Variants in ZFHX3 observed in about 807,000 individuals in gnomAD.
ZFHX3 encodes zinc finger homeobox protein 3.
In ZFHX3, 42 loss-of-function variants were observed where a neutral mutation model predicts 279.1. The observed-to-expected ratio is 0.15, with a 90% CI of 0.12 to 0.19. The LOEUF is 0.19. Ranked by LOEUF, ZFHX3 falls within the 10% of genes least tolerant of loss-of-function variation. The probability of loss-of-function intolerance (pLI) is 1.00; values close to 1 mark genes in which losing one functional copy is unlikely to be tolerated. For missense variants in ZFHX3, 4,981 were observed against 4,754.0 expected, an observed-to-expected ratio of 1.05 and a Z score of -1.40; for synonymous variants, 2,293 against 1,957.8, an observed-to-expected ratio of 1.17 and a Z score of -4.52.
intron 1 of ZFHX3, among the ~76,000 whole-genome samples, chr16:73,727,607 C>T (rs1352039292): frequency 3.3e-5 from 5 of 152,144 alleles, no homozygotes; most frequent in Non-Finnish European, 7.4e-5. Flanking sequence ...ATACGGGACT[C>T]ATTATGCATT....
At chr16:73,108,783 T>A (rs1040087733) in intron 7 of ZFHX3, among the ~76,000 whole-genome samples, 3 of 152,220 alleles carry the variant, frequency 2.0e-5, no homozygotes, top group Admixed American at 2.0e-4. Flanking sequence ...ACCTGTTGAT[T>A]AGGTCCTTTT....
intron 3 of ZFHX3, among the ~76,000 whole-genome samples, chr16:73,346,967 A>G (rs2143273465): frequency 6.6e-6 from 1 of 152,304 alleles, no homozygotes; most frequent in East Asian, 1.9e-4. Flanking sequence ...TGTTCACTAT[A>G]AGGAGGTATG....
intron 2 of ZFHX3, chr16:73,544,158 T>A (rs1317143484): frequency 6.6e-6 from 1 of 152,154 alleles, no homozygotes; most frequent in Non-Finnish European, 1.5e-5. Flanking sequence ...TTATTCGTTC[T>A]CTGCTGTCAT....
chr16:72,940,685 A>C lies in ZFHX3; in HGVS notation c.3216+9784T>G, dbSNP rs561301968. Reference sequence around the variant, plus strand: ...AACCCCTTCAGCAACCCCAGTGCACAGGCCGGCCCTGCCAAGGCAATGTGG... The same window carrying C: ...AACCCCTTCAGCAACCCCAGTGCACCGGCCGGCCCTGCCAAGGCAATGTGG... On this transcript the variant is annotated intron_variant, in intron 3 of 9. Coordinates refer to ENST00000268489, the MANE Select transcript of ZFHX3 (RefSeq NM_006885.4). Among the ~76,000 whole-genome samples the C allele has an allele frequency of 1.8e-3, 276 of 152,360 alleles. 1 individual carries two copies. The highest frequency in any genetic ancestry group is 6.2e-3 in the African/African-American group (256 of 41,594).
intron 1 of ZFHX3, among the ~76,000 whole-genome samples, chr16:73,742,435 C>T (rs1339261536): frequency 6.6e-6 from 1 of 152,208 alleles, no homozygotes; most frequent in Non-Finnish European, 1.5e-5. Flanking sequence ...ATGGCCAAGA[C>T]TTCTTCCACC....
chr16:73,730,352 CAAAAAAAAAAAAA>C (rs66477968), intron 1 of ZFHX3, among the ~76,000 whole-genome samples: 1 of 81,166 alleles, frequency 1.2e-5, no homozygotes, highest in African/African-American at 5.1e-5. Context: ...CCTCCCCTCG[CAAAAAAAAAAAAA>C]AAAAAAAAAA....
At position 72,881,872 on chromosome 16, in the gene ZFHX3, C is replaced by G. The variant is rs570187447; in HGVS notation, c.3448+7859G>C. The stretch of plus-strand genomic sequence containing the variant: ...AAACACCCACTGACTGGCTAGCTAT[C>G]CATATTCACTTTAGGGTGGAGTTTC... On this transcript the variant is annotated intron_variant, in intron 4 of 9. Transcript: ENST00000268489. Among the ~76,000 whole-genome samples, 42 of 152,284 alleles carry G rather than the reference C, an allele frequency of 2.8e-4. 1 individual carries two copies. In the South Asian group the frequency reaches 7.5e-3, roughly 27 times the overall value.
chr16:73,246,897 G>A (rs1373355383), intron 5 of ZFHX3, among the ~76,000 whole-genome samples: 2 of 152,200 alleles, frequency 1.3e-5, no homozygotes, highest in Non-Finnish European at 2.9e-5. Flanking sequence ...CCCAGAGGAA[G>A]TTATGTCCCT....
At chr16:73,570,266 T>C (rs541480574) in intron 2 of ZFHX3, among the ~76,000 whole-genome samples, 4 of 152,342 alleles carry the variant, frequency 2.6e-5, no homozygotes, top group African/African-American at 9.6e-5. Flanking sequence ...CCCCATATAA[T>C]GTGTCCCTAA....
At chr16:73,411,101 C>T (rs2017456559) in intron 3 of ZFHX3, among the ~76,000 whole-genome samples, 1 of 152,212 alleles carries the variant, frequency 6.6e-6, no homozygotes, top group African/African-American at 2.4e-5. Flanking sequence ...GGACAGCTTT[C>T]ATGCTGCTGG....
chr16:73,063,991 T>C (rs1046009242), upstream of ZFHX3, among the ~76,000 whole-genome samples: 134 of 152,194 alleles, frequency 8.8e-4, 1 homozygote, highest in African/African-American at 3.0e-3. Flanking sequence ...CTGGGGGCTG[T>C]AGGGATGCGC....
chr16:73,365,410 G>T (rs537674228), intron 3 of ZFHX3, among the ~76,000 whole-genome samples: 2 of 152,314 alleles, frequency 1.3e-5, no homozygotes, highest in Admixed American at 6.5e-5. Flanking sequence ...TCTAGACATT[G>T]CTGGGGCTTG....
chr16:72,822,128 T>A (rs1403328473), intron 5 of ZFHX3: 2 of 152,236 alleles, frequency 1.3e-5, no homozygotes, highest in African/African-American at 4.8e-5. Context: ...AAGGTACTTA[T>A]GTCATGCTAT....
At chr16:72,839,993 A>G (rs992132335) in intron 4 of ZFHX3, among the ~76,000 whole-genome samples, 4 of 152,208 alleles carry the variant, frequency 2.6e-5, no homozygotes, top group Admixed American at 2.6e-4. Flanking sequence ...GGGAGAAGAC[A>G]AGACAGATAA....
At chr16:72,963,934 T>C (rs1056044249) in intron 1 of ZFHX3, among the ~76,000 whole-genome samples, 2 of 152,064 alleles carry the variant, frequency 1.3e-5, no homozygotes, top group Non-Finnish European at 2.9e-5. Context: ...GGCTGTCTGG[T>C]AGGAAACCAA....
chr16:73,394,251 T>C (rs1024486801), intron 3 of ZFHX3, among the ~76,000 whole-genome samples: 3 of 150,918 alleles, frequency 2.0e-5, no homozygotes, highest in African/African-American at 7.3e-5. Flanking sequence ...TTTTTTTTTT[T>C]TTGAGACAGT....
chr16:73,341,847 C>T (rs544786364), intron 3 of ZFHX3, among the ~76,000 whole-genome samples: 2 of 152,204 alleles, frequency 1.3e-5, no homozygotes, highest in South Asian at 2.1e-4. Flanking sequence ...CAAAAGGCTA[C>T]ATATTGTATA....
chr16:73,168,667 C>T (rs570933936), intron 5 of ZFHX3, among the ~76,000 whole-genome samples: 201 of 152,330 alleles, frequency 1.3e-3, no homozygotes, highest in Non-Finnish European at 2.4e-3. Context: ...TTCCCCCAAT[C>T]TGTCCCCAGA....
chr16:73,466,423 A>G (rs897066066), intron 2 of ZFHX3, among the ~76,000 whole-genome samples: 1 of 152,222 alleles, frequency 6.6e-6, no homozygotes, highest in Admixed American at 6.5e-5. Context: ...ATGGGGTTGC[A>G]GTAAGCTGTG....
Sources: gnomAD v4.1 joint callset for allele counts (sites outside exome capture counted in the v4.1 genomes callset) on GRCh38, gnomAD v4.1.1 for gene constraint, MANE v1.5 for transcripts, NCBI Gene and HGNC (gene_info 2026-07-23, HGNC 2026-07-21) for gene names.